CDH18: variants seen among roughly 807,000 people sequenced by gnomAD.
CDH18 encodes the protein cadherin-18.
In CDH18, 31 loss-of-function variants were observed where a neutral mutation model predicts 67.9. The observed-to-expected ratio is 0.46, with a 90% CI of 0.34 to 0.62. CDH18 has a LOEUF of 0.62. CDH18 is among the 20% of genes least tolerant of loss of function. CDH18 has a pLI of 0.01. For synonymous variants in CDH18, 362 were observed against 347.2 expected (o/e 1.04, Z -0.48); for missense variants, 890 against 975.5 (o/e 0.91, Z 1.17).
intron 1 of CDH18, among the ~76,000 whole-genome samples, chr5:20,277,296 C>G (rs2940451): frequency 6.6e-6 from 1 of 151,892 alleles, no homozygotes; most frequent in Non-Finnish European, 1.5e-5. Flanking sequence ...CTCAAGGCAA[C>G]TCAGCACAGA....
chr5:20,105,531 G>C (rs959518050), intron 2 of CDH18, among the ~76,000 whole-genome samples: 1 of 152,048 alleles, frequency 6.6e-6, no homozygotes, highest in African/African-American at 2.4e-5. Context: ...CATCTATCTA[G>C]AACTTCTTCA....
intron 10 of CDH18, among the ~76,000 whole-genome samples, chr5:19,517,114 C>A (rs1267579124): frequency 6.6e-6 from 1 of 152,042 alleles, no homozygotes; most frequent in Non-Finnish European, 1.5e-5. Context: ...TAGAAATGAC[C>A]TAATTTCTCC....
At chr5:20,427,669 G>A (rs988484760) in intron 1 of CDH18, among the ~76,000 whole-genome samples, 8 of 151,108 alleles carry the variant, frequency 5.3e-5, no homozygotes, top group African/African-American at 1.7e-4. Context: ...CAATTCAGCC[G>A]ATTTCCTCCT....
At chr5:20,391,507 AATT>A (rs763824034) in intron 1 of CDH18, among the ~76,000 whole-genome samples, 71 of 152,194 alleles carry the variant, frequency 4.7e-4, no homozygotes, top group African/African-American at 1.6e-3. Context: ...AATCAATTAT[AATT>A]ATTATTATTC....
chr5:20,112,106 C>T (rs1201613091), intron 2 of CDH18, among the ~76,000 whole-genome samples: 1 of 152,132 alleles, frequency 6.6e-6, no homozygotes, highest in Non-Finnish European at 1.5e-5. Flanking sequence ...AGATACATTT[C>T]ACGTAACATA....
intron 1 of CDH18, among the ~76,000 whole-genome samples, chr5:20,511,270 T>C (rs914611469): frequency 4.6e-5 from 7 of 152,136 alleles, no homozygotes; most frequent in African/African-American, 1.7e-4. Flanking sequence ...TTCAAAAGTA[T>C]AGAAAGTACT....
At chr5:20,367,444 T>C (rs1490334926) in intron 1 of CDH18, among the ~76,000 whole-genome samples, 1 of 152,192 alleles carries the variant, frequency 6.6e-6, no homozygotes, top group African/African-American at 2.4e-5. Flanking sequence ...CAGTGTCTTA[T>C]GCCAAAGGAG....
intron 11 of CDH18, among the ~76,000 whole-genome samples, chr5:19,493,496 T>A (rs1741800527): frequency 1.3e-5 from 2 of 151,866 alleles, no homozygotes; most frequent in South Asian, 2.1e-4. Flanking sequence ...GAGTGGTACA[T>A]GCTGGACAGA....
intron 1 of CDH18, among the ~76,000 whole-genome samples, chr5:20,433,929 C>T (rs1748967778): frequency 6.6e-6 from 1 of 152,036 alleles, no homozygotes; most frequent in South Asian, 2.1e-4. Flanking sequence ...GAAAACGCGT[C>T]ATAAACGAGG....
Position 20,435,531 on chromosome 5 carries a change from G to C in CDH18, c.-580+139931C>G, listed in dbSNP as rs138035377. ...AGAAACCTCAATTGTGGGTAAGGCAGGTCCTACATCTGATATTGTTACAAA... is the reference window on the plus strand; with the variant it reads ...AGAAACCTCAATTGTGGGTAAGGCACGTCCTACATCTGATATTGTTACAAA... On this transcript the variant is annotated intron_variant, in intron 1 of 14. Transcript: ENST00000507958. Among the ~76,000 whole-genome samples, 1,083 of 152,032 alleles carry C rather than the reference G, an allele frequency of 7.1e-3. 8 individuals are homozygous for C. Among genetic ancestry groups the C allele is most frequent in the African/African-American group, 0.025 (1,021 of 41,510 alleles).
At chr5:20,107,719 T>C (rs1282995484) in intron 2 of CDH18, among the ~76,000 whole-genome samples, 2 of 152,166 alleles carry the variant, frequency 1.3e-5, no homozygotes, top group African/African-American at 2.4e-5. Flanking sequence ...CACAGTCTTT[T>C]TTCTGTGCTT....
chr5:20,475,635 ACAGTC>A (rs57433958), intron 1 of CDH18, among the ~76,000 whole-genome samples: 8,346 of 152,200 alleles, frequency 0.055, 753 homozygotes, highest in African/African-American at 0.19. Flanking sequence ...TTTTATTTGA[ACAGTC>A]TAGGTAAATA....
intron 1 of CDH18, among the ~76,000 whole-genome samples, chr5:20,328,506 TGTGA>T (rs1353599536): frequency 1.7e-3 from 203 of 120,950 alleles, no homozygotes; most frequent in South Asian, 3.1e-3. Context: ...TGTGTGTGTG[TGTGA>T]GAGAGAGAGA....
At chr5:19,847,676 A>G (rs949387565) in intron 2 of CDH18, among the ~76,000 whole-genome samples, 12 of 151,908 alleles carry the variant, frequency 7.9e-5, no homozygotes, top group Non-Finnish European at 1.6e-4. Context: ...GTATCTGCGT[A>G]TTTGAAAGTC....
intron 2 of CDH18, among the ~76,000 whole-genome samples, chr5:20,205,065 T>C (rs1561875665): frequency 1.3e-5 from 2 of 151,900 alleles, no homozygotes; most frequent in Non-Finnish European, 2.9e-5. Flanking sequence ...CATTTATCAA[T>C]AACACTGAAT....
At chr5:20,571,878 G>C (rs1268720560) in intron 1 of CDH18, among the ~76,000 whole-genome samples, 2 of 151,996 alleles carry the variant, frequency 1.3e-5, no homozygotes, top group Non-Finnish European at 2.9e-5. Flanking sequence ...TTTGAAAAAA[G>C]CTTAGACTGG....
At position 19,746,961 on chromosome 5, in the gene CDH18, C is replaced by T; in HGVS notation, c.504G>A (p.Val168=). 6.2e-7 allele frequency: 1 copy of T among 1,612,732 alleles called. No homozygotes were observed. Among genetic ancestry groups the T allele is most frequent in the Non-Finnish European group, 8.5e-7 (1 of 1,178,810 alleles). The change falls in exon 4 of 13, where the codon GTG becomes GTA. Residue 168 remains valine, a synonymous_variant. Coordinates refer to ENST00000382275, the MANE Select transcript of CDH18 (RefSeq NM_004934.5). ...KFTDGPYIVT[V]PEMSDMGTSV... is the part of the protein sequence containing the mutation. ...TCTTACCCATATCTGACATTTCAGG[C>T]ACAGTAACAATGTATGGTCCATCTG...
At chr5:19,880,538 T>C (rs1787523847) in intron 2 of CDH18, among the ~76,000 whole-genome samples, 1 of 152,114 alleles carries the variant, frequency 6.6e-6, no homozygotes, top group Non-Finnish European at 1.5e-5. Flanking sequence ...AATTGCAATA[T>C]TTTTGGTTGA....
intron 1 of CDH18, among the ~76,000 whole-genome samples, chr5:20,296,334 A>G (rs915640264): frequency 6.6e-6 from 1 of 151,126 alleles, no homozygotes; most frequent in Non-Finnish European, 1.5e-5. Context: ...ACTCACTGCA[A>G]GCTCCACCTC....
Sources: allele counts gnomAD v4.1 joint callset (sites outside exome capture counted in the v4.1 genomes callset), GRCh38; gene constraint gnomAD v4.1.1; transcripts MANE v1.5; gene names NCBI Gene and HGNC (gene_info 2026-07-23, HGNC 2026-07-21).